The following PRDM5 variants were observed in gnomAD, a reference collection of about 807,000 sequenced individuals.
PRDM5 encodes the protein PR domain zinc finger protein 5.
PRDM5 carries 56 observed loss-of-function variants against 81.2 expected under a neutral mutation model. The ratio of observed to expected loss-of-function variants is 0.69; its 90% CI spans 0.56 to 0.86. PRDM5 has a LOEUF of 0.86. Ranked by LOEUF, PRDM5 falls within the 40% of genes least tolerant of loss-of-function variation. The pLI is 0.00. For synonymous variants in PRDM5, 267 were observed against 256.4 expected, an observed-to-expected ratio of 1.04 and a Z score of -0.39; for missense variants, 697 against 770.1, an observed-to-expected ratio of 0.91 and a Z score of 1.12.
At chr4:120,781,702 G>GGTCCCT (rs1413858027) in intron 11 of PRDM5, among the ~76,000 whole-genome samples, 1 of 152,146 alleles carries the variant, frequency 6.6e-6, no homozygotes. Flanking sequence ...ATCCCACCAC[G>GGTCCCT]GTCCCTATAA....
chr4:120,868,345 A>C (rs1338942480), intron 2 of PRDM5, among the ~76,000 whole-genome samples: 1 of 152,202 alleles, frequency 6.6e-6, no homozygotes, highest in Non-Finnish European at 1.5e-5. Context: ...ACATTTCTGC[A>C]ACTAAATGTA....
At chr4:120,838,473 TTA>T (rs878933399) in intron 3 of PRDM5, 2 of 152,152 alleles carry the variant, frequency 1.3e-5, no homozygotes, top group South Asian at 4.1e-4. Flanking sequence ...AAACTATATA[TTA>T]TTGTTAACTA....
intron 10 of PRDM5, among the ~76,000 whole-genome samples, chr4:120,794,852 C>T (rs116691845): frequency 0.2 from 30,282 of 151,992 alleles, 3,666 homozygotes; most frequent in Non-Finnish European, 0.28. Flanking sequence ...TCTTGAACTC[C>T]GGACCTCAGC....
chr4:120,840,114 G>C (rs1757840406), intron 3 of PRDM5, among the ~76,000 whole-genome samples: 1 of 152,228 alleles, frequency 6.6e-6, no homozygotes, highest in Non-Finnish European at 1.5e-5. Context: ...GCATCTGGGA[G>C]GGTGCGGCTG....
At chr4:120,770,624 T>C (rs974270727) in intron 13 of PRDM5, among the ~76,000 whole-genome samples, 2 of 152,086 alleles carry the variant, frequency 1.3e-5, no homozygotes, top group Non-Finnish European at 2.9e-5. Flanking sequence ...TAAAATATGA[T>C]TGGACAAAAA....
intron 13 of PRDM5, among the ~76,000 whole-genome samples, chr4:120,764,111 C>A (rs545981075): frequency 5.9e-5 from 9 of 151,846 alleles, no homozygotes; most frequent in African/African-American, 1.7e-4. Context: ...GTTGGTGATG[C>A]AAGTTTAATA....
chr4:120,684,530 A>G (rs28445543), downstream of PRDM5, among the ~76,000 whole-genome samples: 1 of 151,704 alleles, frequency 6.6e-6, no homozygotes, highest in Non-Finnish European at 1.5e-5. Context: ...GCCAAAAGAC[A>G]CTCAGATCTT....
At chr4:120,698,436 G>A (rs1734844636) in intron 15 of PRDM5, among the ~76,000 whole-genome samples, 1 of 152,020 alleles carries the variant, frequency 6.6e-6, no homozygotes, top group African/African-American at 2.4e-5. Flanking sequence ...TCCTAACTAA[G>A]TCAGTCAGGA....
At chr4:120,861,675 G>A (rs1307436086) in intron 2 of PRDM5, among the ~76,000 whole-genome samples, 12 of 151,996 alleles carry the variant, frequency 7.9e-5, no homozygotes, top group Admixed American at 7.9e-4. Flanking sequence ...GAGCACGCCT[G>A]TAGTCCCAGC....
chr4:120,722,388 C>G (rs777266949), intron 14 of PRDM5, among the ~76,000 whole-genome samples: 5 of 151,960 alleles, frequency 3.3e-5, no homozygotes, highest in Non-Finnish European at 5.9e-5. Context: ...AGCCTCTTCC[C>G]TAGTCTATAT....
At chr4:120,716,649 C>T (rs843553) in intron 14 of PRDM5, among the ~76,000 whole-genome samples, 76,322 of 151,980 alleles carry the variant, frequency 0.5, 20,127 homozygotes, top group East Asian at 0.75. Flanking sequence ...TAATTCATGG[C>T]AGATACTAGT....
chr4:120,741,927 CAG>C (rs1197529401), intron 14 of PRDM5, among the ~76,000 whole-genome samples: 1 of 152,226 alleles, frequency 6.6e-6, no homozygotes, highest in Non-Finnish European at 1.5e-5. Flanking sequence ...GAGCCCACCA[CAG>C]CTCAAGGAGG....
downstream of PRDM5, among the ~76,000 whole-genome samples, chr4:120,687,026 A>G (rs1425576755): frequency 6.6e-6 from 1 of 152,002 alleles, no homozygotes; most frequent in African/African-American, 2.4e-5. Context: ...TCAACTCTAC[A>G]TATAACATAT....
chr4:120,816,227 C>T (rs1451243052), intron 7 of PRDM5: 1 of 654,680 alleles, frequency 1.5e-6, no homozygotes, highest in African/African-American at 1.8e-5. Flanking sequence ...CTAAGGCTTA[C>T]AGTTATAATT....
At chr4:120,842,472 C>G (rs1301434825) in intron 3 of PRDM5, among the ~76,000 whole-genome samples, 4 of 152,136 alleles carry the variant, frequency 2.6e-5, no homozygotes, top group African/African-American at 9.7e-5. Context: ...TCAACAAGCA[C>G]TTACTGAGCC....
intron 14 of PRDM5, among the ~76,000 whole-genome samples, chr4:120,723,739 A>C (rs182322541): frequency 2.0e-4 from 30 of 152,230 alleles, no homozygotes; most frequent in Middle Eastern, 6.8e-3. Context: ...CAAGGCAAAA[A>C]TGTTGAGTTT....
At chr4:120,697,130 G>A (rs1734614571) in intron 15 of PRDM5, among the ~76,000 whole-genome samples, 1 of 151,702 alleles carries the variant, frequency 6.6e-6, no homozygotes, top group South Asian at 2.1e-4. Flanking sequence ...ACTCAATTAG[G>A]GTAAAAAGCA....
At chr4:120,835,470 G>C (rs893145892) in intron 3 of PRDM5, among the ~76,000 whole-genome samples, 1 of 152,142 alleles carries the variant, frequency 6.6e-6, no homozygotes, top group Non-Finnish European at 1.5e-5. Flanking sequence ...ATCTCATTTT[G>C]AATTCCCACA....
intron 12 of PRDM5, among the ~76,000 whole-genome samples, chr4:120,779,168 T>A (rs1748633485): frequency 6.6e-6 from 1 of 152,254 alleles, no homozygotes; most frequent in South Asian, 2.1e-4. Flanking sequence ...TGAAAAAAAT[T>A]AAAATATTCC....
Sources: allele counts gnomAD v4.1 joint callset (sites outside exome capture counted in the v4.1 genomes callset), GRCh38; gene constraint gnomAD v4.1.1; transcripts MANE v1.5; gene names NCBI Gene and HGNC (gene_info 2026-07-23, HGNC 2026-07-21).